The following MYLK variants were observed in gnomAD, a reference collection of about 807,000 sequenced individuals.
MYLK encodes the protein myosin light chain kinase, smooth muscle.
MYLK carries 106 observed loss-of-function variants against 203.4 expected under a neutral mutation model. The ratio of observed to expected loss-of-function variants is 0.52; its 90% CI spans 0.45 to 0.61. The LOEUF is 0.61. MYLK is among the 20% of genes least tolerant of loss of function. MYLK has a pLI of 0.00. For synonymous variants in MYLK, 867 were observed against 959.5 expected (o/e 0.90, Z 1.78); for missense variants, 2,072 against 2,442.3 (o/e 0.85, Z 3.20).
At chr3:123,639,847 G>T (rs1003263133) in intron 28 of MYLK, among the ~76,000 whole-genome samples, 2 of 152,132 alleles carry the variant, frequency 1.3e-5, no homozygotes, top group African/African-American at 2.4e-5. Flanking sequence ...GAATCATAGG[G>T]TTTATTTTTT....
intron 33 of MYLK, among the ~76,000 whole-genome samples, chr3:123,614,686 T>A (rs752669660): frequency 6.6e-6 from 1 of 152,166 alleles, no homozygotes; most frequent in Non-Finnish European, 1.5e-5. Context: ...TGGAGTGTAG[T>A]GGCATGATCG....
At chr3:123,719,903 G>A (rs1221643064) in intron 13 of MYLK, among the ~76,000 whole-genome samples, 2 of 152,242 alleles carry the variant, frequency 1.3e-5, no homozygotes, top group Non-Finnish European at 2.9e-5. Context: ...CTCCACAGCA[G>A]AGGACAGCGC....
rs1335952678 is a variant in MYLK, at chr3:123,707,793, A to G, written c.2351T>C (p.Val784Ala). Residue 784 changes from valine to alanine, a missense_variant, in exon 16 of 34, where the codon GTG (valine) becomes GCG (alanine). Coordinates refer to ENST00000360304, the MANE Select transcript of MYLK (RefSeq NM_053025.4). Reference sequence around the variant, plus strand: ...ATACTGGCCGGCATGCCAGGGCTGCACCTTCTTTAGAACCAGGGTGAACAC... The same window carrying G: ...ATACTGGCCGGCATGCCAGGGCTGCGCCTTCTTTAGAACCAGGGTGAACAC... ...EDVFTLVLKKVQPWHAGQYEI... is the reference protein window; with the variant it reads ...EDVFTLVLKKAQPWHAGQYEI... The G allele has an allele frequency of 6.8e-6, 11 of 1,614,082 alleles. No individual in the cohort carries two copies. Among genetic ancestry groups the G allele is most frequent in the Non-Finnish European group, 8.5e-6 (10 of 1,180,042 alleles).
At chr3:123,788,475 G>T (rs2064634409) in intron 4 of MYLK, among the ~76,000 whole-genome samples, 1 of 149,258 alleles carries the variant, frequency 6.7e-6, no homozygotes, top group Non-Finnish European at 1.5e-5. Flanking sequence ...TGCCATGCTG[G>T]TGTGCTGCAC....
chr3:123,775,768 T>C (rs1301167789), intron 4 of MYLK, among the ~76,000 whole-genome samples: 1 of 152,208 alleles, frequency 6.6e-6, no homozygotes, highest in African/African-American at 2.4e-5. Flanking sequence ...GAAGAGTCTC[T>C]TAGCTTGAAA....
chr3:123,793,782 A>T lies in MYLK; in HGVS notation c.60T>A (p.Asp20Glu), dbSNP rs780654221. 6.2e-7 allele frequency: 1 copy of T among 1,614,174 alleles called. No homozygotes were observed. Among genetic ancestry groups the T allele is most frequent in the Non-Finnish European group, 8.5e-7 (1 of 1,180,024 alleles). Residue 20 changes from aspartate (D) to glutamate (E), a missense_variant, in exon 4 of 34, where the codon GAT becomes GAA. Around this residue, in one of 3 missense-constraint regions of MYLK, gnomAD observed 683 missense variants for 643.8 expected, o/e 1.06. Coordinates refer to ENST00000360304, the MANE Select transcript of MYLK (RefSeq NM_053025.4). ...SHISKTSLSV[D>E]PSRVDSMPLT... ...GGGGCATGGAGTCAACTCTTGAGGG[A>T]TCCACACTGAGGGAGGTTTTGGAAA... is the stretch of plus-strand genomic sequence containing the variant.
intron 12 of MYLK, among the ~76,000 whole-genome samples, chr3:123,723,250 A>T (rs1249072475): frequency 6.6e-6 from 1 of 152,216 alleles, no homozygotes; most frequent in Non-Finnish European, 1.5e-5. Flanking sequence ...TCTCCCTGCA[A>T]TGCAGTGTTT....
rs1342768968 is a variant in MYLK, at chr3:123,612,344, C to T, written c.*1761G>A. 1 of 152,578 alleles carries T rather than the reference C, an allele frequency of 6.6e-6. No individual in the cohort carries two copies. The highest frequency in any genetic ancestry group is 2.4e-5 in the African/African-American group (1 of 41,440). 9.5% of individuals were successfully genotyped at this position (152,578 alleles called of 1,614,324 possible). A position where few individuals can be genotyped will look rare whatever the true frequency, so the allele number is the denominator to read the frequency against. On this transcript the variant is annotated 3_prime_UTR_variant, in exon 34 of 34. Coordinates refer to ENST00000360304, the MANE Select transcript of MYLK (RefSeq NM_053025.4). Reference sequence around the variant, plus strand: ...GTATCCTTTATTTAAAAATTGTGAGCTGACTACAGTTGTAGTGTTCTCATT... The same window carrying T: ...GTATCCTTTATTTAAAAATTGTGAGTTGACTACAGTTGTAGTGTTCTCATT...
intron 11 of MYLK, among the ~76,000 whole-genome samples, chr3:123,727,669 G>C (rs1274053795): frequency 6.6e-6 from 1 of 152,192 alleles, no homozygotes; most frequent in African/African-American, 2.4e-5. Flanking sequence ...ATGAAAGAGA[G>C]TGGAGGGATA....
intron 19 of MYLK, among the ~76,000 whole-genome samples, chr3:123,686,500 G>T (rs1341539043): frequency 6.6e-6 from 1 of 152,096 alleles, no homozygotes; most frequent in South Asian, 2.1e-4. Context: ...CAGGGCAGAG[G>T]GGCTGGGCTC....
chr3:123,795,364 T>C (rs1191900468), intron 3 of MYLK, among the ~76,000 whole-genome samples: 1 of 152,220 alleles, frequency 6.6e-6, no homozygotes, highest in Non-Finnish European at 1.5e-5. Context: ...TGAGTCTATG[T>C]GTACTGAAAT....
intron 3 of MYLK, among the ~76,000 whole-genome samples, chr3:123,799,398 A>G (rs997940849): frequency 2.6e-5 from 4 of 152,222 alleles, no homozygotes; most frequent in Non-Finnish European, 4.4e-5. Flanking sequence ...ACTCAGAAAA[A>G]AAGTTTAAAA....
At chr3:123,631,776 T>C (rs2058434435) in intron 29 of MYLK, among the ~76,000 whole-genome samples, 1 of 152,188 alleles carries the variant, frequency 6.6e-6, no homozygotes, top group Non-Finnish European at 1.5e-5. Context: ...TTCTCGGTCA[T>C]GTCCCCATGA....
At chr3:123,858,384 G>C (rs893663232) in intron 2 of MYLK, among the ~76,000 whole-genome samples, 2 of 152,114 alleles carry the variant, frequency 1.3e-5, no homozygotes, top group Admixed American at 6.5e-5. Flanking sequence ...ATAGCCATAG[G>C]CCTCTTAGTC....
In MYLK at chr3:123,613,908, A is replaced by G; in HGVS notation, c.*197T>C. 1.6e-6 allele frequency: 1 copy of G among 632,518 alleles called. No individual in the cohort carries two copies. The highest frequency in any genetic ancestry group is 1.9e-5 in the South Asian group (1 of 51,806). 39.2% of individuals were successfully genotyped at this position (632,518 alleles called of 1,614,324 possible). ...AGCTGCACTAGTATCTTAAGGTGCC[A>G]ACTAACATAGATTAATGCCCATCAA... On this transcript the variant is annotated 3_prime_UTR_variant, in exon 34 of 34. Coordinates refer to ENST00000360304, the MANE Select transcript of MYLK (RefSeq NM_053025.4).
chr3:123,760,715 TC>T (rs1483185653), intron 4 of MYLK, among the ~76,000 whole-genome samples: 2 of 152,150 alleles, frequency 1.3e-5, no homozygotes, highest in Admixed American at 1.3e-4. Context: ...CAACTTTCAT[TC>T]TTATAGACAA....
intron 26 of MYLK, 103 bp from the exon 27 acceptor site, chr3:123,647,530 CT>C: frequency 1.0e-6 from 1 of 963,100 alleles, no homozygotes; most frequent in Non-Finnish European, 1.6e-6. Flanking sequence ...GGCCCACCTC[CT>C]TTTATAAGTA....
rs199736263 is a variant in MYLK at position 123,738,916 on chromosome 3, G to A, written c.569C>T (p.Pro190Leu). The change falls in exon 7 of 34, where the codon CCG (proline) becomes CTG (leucine). Residue 190 changes from proline to leucine, a missense_variant. By Grantham distance (98) the Pro-to-Leu change is moderately conservative. This residue lies in a region of MYLK where 683 missense variants were observed against 643.8 expected (regional missense o/e 1.06). Transcript: ENST00000360304. ...CCTCACCTTGAGCCAGGTGACCTGC[G>A]GTTGGGGCCGGCCAGTGATCTTGCA... ...FSCKITGRPQ[P>L]QVTWLKGNVP... 86 of 1,611,534 alleles carry A rather than the reference G, an allele frequency of 5.3e-5. No homozygotes were observed. The highest frequency in any genetic ancestry group is 6.7e-5 in the African/African-American group (5 of 74,892).
At chr3:123,805,764 C>T (rs1044140206) in intron 3 of MYLK, among the ~76,000 whole-genome samples, 3 of 152,204 alleles carry the variant, frequency 2.0e-5, no homozygotes, top group Non-Finnish European at 4.4e-5. Flanking sequence ...GCTGGATGAC[C>T]GTGGGTGATT....
Sources: gnomAD v4.1 joint callset for allele counts (sites outside exome capture counted in the v4.1 genomes callset) on GRCh38, gnomAD v4.1.1 for gene constraint, gnomAD v4.1.1 regional missense constraint, MANE v1.5 for transcripts, NCBI Gene and HGNC (gene_info 2026-07-23, HGNC 2026-07-21) for gene names.